Variants in PDE4DIP observed in about 807,000 individuals in gnomAD.
The protein encoded by PDE4DIP is myomegalin.
A neutral mutation model predicts 221.4 loss-of-function variants in PDE4DIP; 59 were observed. The observed-to-expected ratio is 0.27, with a 90% CI of 0.22 to 0.33. The LOEUF (loss-of-function observed/expected upper bound fraction) is 0.33, where lower values mean the gene tolerates loss of function less well. PDE4DIP is among the 10% of genes least tolerant of loss of function. The pLI, the probability that PDE4DIP is intolerant of heterozygous loss-of-function variation, is 1.00. For missense variants in PDE4DIP, 1,036 were observed against 2,154.2 expected, an observed-to-expected ratio of 0.48 and a Z score of 10.28; for synonymous variants, 404 against 815.9, an observed-to-expected ratio of 0.50 and a Z score of 8.60.
chr1:149,016,982 A>C (rs587605173), intron 33 of PDE4DIP, among the ~76,000 whole-genome samples: 3 of 152,316 alleles, frequency 2.0e-5, no homozygotes, highest in African/African-American at 7.2e-5. Flanking sequence ...GCAAGTGGAG[A>C]GGTATAGCTA....
chr1:148,998,504 A>G (rs2064842085), intron 23 of PDE4DIP, 129 bp downstream of exon 26: 3 of 565,658 alleles, frequency 5.3e-6, no homozygotes, highest in South Asian at 2.5e-5. Flanking sequence ...AATATTGGCT[A>G]ATGGTAATCA....
At chr1:149,029,826 A>G (rs782434966) in exon 42 of PDE4DIP, 7 of 1,604,536 alleles carry the variant, frequency 4.4e-6, no homozygotes, top group Admixed American at 1.7e-5. Context: ...ACTGAGAACC[A>G]AAGTATCCAA....
intron 1 of PDE4DIP, among the ~76,000 whole-genome samples, chr1:148,927,882 T>C (rs2047067147): frequency 6.6e-6 from 1 of 151,724 alleles, no homozygotes; most frequent in South Asian, 2.1e-4. Context: ...GTTAATAGAA[T>C]GCATTCCCAC....
exon 44 of PDE4DIP, chr1:149,032,432 A>T (rs1553639733): frequency 4.6e-6 from 2 of 434,450 alleles, no homozygotes; most frequent in Non-Finnish European, 4.3e-6. Flanking sequence ...GCAGGTTCTA[A>T]AAGCACACTA....
At chr1:148,907,247 G>T (rs1297153930) in intron 1 of PDE4DIP, among the ~76,000 whole-genome samples, 1 of 135,464 alleles carries the variant, frequency 7.4e-6, no homozygotes, top group Non-Finnish European at 1.6e-5. Flanking sequence ...TATCCATTCT[G>T]CAATTCTGTA....
chr1:148,989,215 C>G, intron 21 of PDE4DIP: 1 of 551,440 alleles, frequency 1.8e-6, no homozygotes, highest in Non-Finnish European at 2.6e-6. Context: ...GAAAAAGTTT[C>G]AGCATTTTAA....
intron 1 of PDE4DIP, among the ~76,000 whole-genome samples, chr1:148,922,828 C>A (rs1391376936): frequency 6.6e-6 from 1 of 151,026 alleles, no homozygotes; most frequent in Non-Finnish European, 1.5e-5. Context: ...CCTCGTGATC[C>A]GCCCGCCTCG....
chr1:149,024,322 A>T, intron 37 of PDE4DIP, 123 bp from the exon 41 acceptor site: 1 of 804,684 alleles, frequency 1.2e-6, no homozygotes, highest in South Asian at 1.7e-5. Flanking sequence ...TCTCCATCAC[A>T]GATGGGTTGC....
At chr1:148,986,738 T>G (rs1178448173) in intron 21 of PDE4DIP, among the ~76,000 whole-genome samples, 4 of 152,186 alleles carry the variant, frequency 2.6e-5, no homozygotes, top group Non-Finnish European at 5.9e-5. Context: ...CTCCTTGCTT[T>G]CTTTGCTGTA....
At chr1:149,006,359 G>C (rs1356697666) in intron 27 of PDE4DIP, 1 of 152,106 alleles carries the variant, frequency 6.6e-6, no homozygotes, top group African/African-American at 2.4e-5. Flanking sequence ...TGGTTTGACT[G>C]GGCTCAGCTG....
intron 4 of PDE4DIP, 48 bp from the exon 8 acceptor site, chr1:148,937,699 A>G: frequency 4.4e-6 from 4 of 915,106 alleles, no homozygotes; most frequent in Non-Finnish European, 7.3e-6. Context: ...ATAAGGTAAT[A>G]ATAGTATCAT....
intron 2 of PDE4DIP, chr1:148,930,776 C>T (rs1447169233): frequency 3.0e-4 from 44 of 147,084 alleles, no homozygotes; most frequent in Admixed American, 1.9e-3. Flanking sequence ...GCCATATTGC[C>T]GAAGGTAATC....
intron 23 of PDE4DIP, among the ~76,000 whole-genome samples, chr1:149,000,328 G>A (rs1553573474): frequency 6.6e-6 from 1 of 152,190 alleles, no homozygotes; most frequent in Non-Finnish European, 1.5e-5. Flanking sequence ...GCCAAGGCAG[G>A]CGGATCACCT....
At chr1:148,971,958 T>TC (rs1293560380) in intron 14 of PDE4DIP, among the ~76,000 whole-genome samples, 68 of 133,224 alleles carry the variant, frequency 5.1e-4, no homozygotes, top group Middle Eastern at 6.9e-3. Context: ...CAGTTTTTTT[T>TC]CCCAATATTC....
chr1:148,820,952 C>A (rs1327680015), intron 1 of PDE4DIP, among the ~76,000 whole-genome samples: 1 of 149,582 alleles, frequency 6.7e-6, no homozygotes, highest in Admixed American at 6.6e-5. Flanking sequence ...CTGGGGTTCA[C>A]GCCATTGTCT....
chr1:148,994,679 T>G (rs1255714264), intron 22 of PDE4DIP, among the ~76,000 whole-genome samples: 2 of 151,982 alleles, frequency 1.3e-5, no homozygotes, highest in African/African-American at 4.8e-5. Flanking sequence ...TGGTGAAACA[T>G]TGAAAATTTA....
At chr1:148,929,475 G>A in intron 2 of PDE4DIP, 3 of 675,504 alleles carry the variant, frequency 4.4e-6, no homozygotes, top group East Asian at 3.3e-5. Flanking sequence ...CTTGTCATAA[G>A]TTGGTAAATC....
chr1:148,963,462 C>T (rs1312387134), intron 9 of PDE4DIP, among the ~76,000 whole-genome samples: 3 of 151,722 alleles, frequency 2.0e-5, no homozygotes, highest in Admixed American at 1.3e-4. Flanking sequence ...AGCTGAGTTT[C>T]AGTGTGGTAA....
chr1:148,956,615 A>AG (rs2055426260), intron 5 of PDE4DIP, among the ~76,000 whole-genome samples: 1 of 151,852 alleles, frequency 6.6e-6, no homozygotes, highest in Non-Finnish European at 1.5e-5. Context: ...CTATGATGGG[A>AG]GGGATGTGGT....
Sources: allele counts gnomAD v4.1 joint callset (sites outside exome capture counted in the v4.1 genomes callset), GRCh38; gene constraint gnomAD v4.1.1; transcripts MANE v1.5; gene names NCBI Gene and HGNC (gene_info 2026-07-23, HGNC 2026-07-21).